Variants in GNG12 observed in about 807,000 individuals in gnomAD.
The protein encoded by GNG12 is guanine nucleotide-binding protein G(I)/G(S)/G(O) subunit gamma-12.
For missense variants in GNG12, 69 were observed against 83.8 expected, an observed-to-expected ratio of 0.82 and a Z score of 0.69; for synonymous variants, 28 against 29.7, an observed-to-expected ratio of 0.94 and a Z score of 0.19.
intron 2 of GNG12, among the ~76,000 whole-genome samples, chr1:67,734,676 G>T (rs946974971): frequency 2.0e-5 from 3 of 152,034 alleles, no homozygotes; most frequent in African/African-American, 7.2e-5. Context: ...ACCCAGGCTG[G>T]AGTACAGTTG....
intron 1 of GNG12, among the ~76,000 whole-genome samples, chr1:67,815,736 G>C (rs1022060971): frequency 1.3e-5 from 2 of 152,086 alleles, no homozygotes; most frequent in African/African-American, 4.8e-5. Context: ...GGGCTCAGAG[G>C]GCCGGCATGA....
intron 2 of GNG12, among the ~76,000 whole-genome samples, chr1:67,737,415 C>T (rs1646458232): frequency 6.6e-6 from 1 of 152,114 alleles, no homozygotes; most frequent in Non-Finnish European, 1.5e-5. Flanking sequence ...GAAAGATAAA[C>T]AGTCACATGG....
intron 1 of GNG12, among the ~76,000 whole-genome samples, chr1:67,809,993 T>C (rs1434346956): frequency 6.6e-6 from 1 of 152,216 alleles, no homozygotes. Context: ...TTGTACATAA[T>C]TGCCAAAACT....
chr1:67,708,896 A>G (rs1178775514), intron 2 of GNG12, among the ~76,000 whole-genome samples: 1 of 152,186 alleles, frequency 6.6e-6, no homozygotes, highest in East Asian at 1.9e-4. Context: ...ACAGCTGAAT[A>G]ATGTAATTCT....
At chr1:67,816,825 G>T (rs1646956136) in intron 1 of GNG12, among the ~76,000 whole-genome samples, 1 of 152,174 alleles carries the variant, frequency 6.6e-6, no homozygotes, top group African/African-American at 2.4e-5. Flanking sequence ...GAGAACAAGA[G>T]GTGTGGGGCT....
chr1:67,714,140 GT>G (rs1646311523), intron 2 of GNG12, among the ~76,000 whole-genome samples: 1 of 152,146 alleles, frequency 6.6e-6, no homozygotes. Flanking sequence ...GAATGTCAAC[GT>G]TTGAAAAATG....
intron 1 of GNG12, among the ~76,000 whole-genome samples, chr1:67,782,975 G>A (rs958043213): frequency 2.6e-4 from 40 of 151,978 alleles, no homozygotes; most frequent in Admixed American, 1.3e-3. Flanking sequence ...TTTGAATGTC[G>A]GATCCTCAAC....
chr1:67,706,663 T>C (rs1008052493), intron 3 of GNG12, among the ~76,000 whole-genome samples: 3 of 151,312 alleles, frequency 2.0e-5, no homozygotes, highest in African/African-American at 7.3e-5. Flanking sequence ...TTTCTTTTTT[T>C]TTTTTTTTTG....
intron 2 of GNG12, among the ~76,000 whole-genome samples, chr1:67,739,833 T>C (rs1370425877): frequency 6.6e-6 from 1 of 152,200 alleles, no homozygotes; most frequent in Non-Finnish European, 1.5e-5. Context: ...AAAGCCACTG[T>C]GAAACTAGAA....
intron 1 of GNG12, among the ~76,000 whole-genome samples, chr1:67,799,354 G>A (rs1646851345): frequency 1.3e-5 from 2 of 152,124 alleles, no homozygotes; most frequent in South Asian, 4.2e-4. Context: ...TCTCTCCAGG[G>A]AACTGCTCTT....
intron 2 of GNG12, among the ~76,000 whole-genome samples, chr1:67,766,139 CACACACA>C (rs1646637300): frequency 6.8e-6 from 1 of 147,772 alleles, no homozygotes; most frequent in African/African-American, 2.6e-5. Flanking sequence ...CACACACACA[CACACACA>C]CACCCCTAAA....
chr1:67,730,145 A>G (rs2100698361), intron 2 of GNG12, among the ~76,000 whole-genome samples: 1 of 152,326 alleles, frequency 6.6e-6, no homozygotes, highest in African/African-American at 2.4e-5. Context: ...ACCTTTAAAA[A>G]CACATAATAT....
At position 67,718,221 on chromosome 1, in the gene GNG12, G is replaced by A. The variant is rs193226096; in HGVS notation, c.-26-10509C>T. On this transcript the variant is annotated intron_variant, in intron 2 of 3. Coordinates refer to ENST00000370982, the MANE Select transcript of GNG12 (RefSeq NM_018841.6). ...AGGTAAAACCCAATGAAACACCACC[G>A]TCTACCCTCAACCTGACCACCACTG... is the stretch of plus-strand genomic sequence containing the variant. Among the ~76,000 whole-genome samples the A allele has an allele frequency of 3.0e-4, 45 of 152,124 alleles. No individual in the cohort carries two copies. In the South Asian group the frequency reaches 5.8e-3, roughly 20 times the overall value.
At chr1:67,797,037 T>C (rs1646835233) in intron 1 of GNG12, among the ~76,000 whole-genome samples, 1 of 152,158 alleles carries the variant, frequency 6.6e-6, no homozygotes, top group African/African-American at 2.4e-5. Flanking sequence ...GGCACCAAGT[T>C]ATTTATGAGG....
At chr1:67,833,300 G>C in intron 1 of GNG12, 44 bp downstream of exon 1, 1 of 795,006 alleles carries the variant, frequency 1.3e-6, no homozygotes, top group Non-Finnish European at 1.5e-6. Flanking sequence ...CCCCGACCCC[G>C]CGGGGACCCG....
chr1:67,739,001 A>G (rs969539715), intron 2 of GNG12, among the ~76,000 whole-genome samples: 17 of 152,150 alleles, frequency 1.1e-4, no homozygotes, highest in African/African-American at 3.4e-4. Flanking sequence ...CAATATGGTA[A>G]AACTCCATCA....
chr1:67,804,319 C>G (rs2100800876), intron 1 of GNG12, among the ~76,000 whole-genome samples: 1 of 152,252 alleles, frequency 6.6e-6, no homozygotes, highest in East Asian at 1.9e-4. Flanking sequence ...AAATAATTCC[C>G]CATCTTTTCT....
intron 1 of GNG12, among the ~76,000 whole-genome samples, chr1:67,819,266 T>C (rs574315096): frequency 6.6e-6 from 1 of 152,078 alleles, no homozygotes; most frequent in Non-Finnish European, 1.5e-5. Context: ...GATGGAAATG[T>C]CTTACAGAAA....
At chr1:67,821,857 G>A (rs1646986781) in intron 1 of GNG12, among the ~76,000 whole-genome samples, 2 of 151,558 alleles carry the variant, frequency 1.3e-5, no homozygotes, top group South Asian at 4.2e-4. Flanking sequence ...AATGACATCT[G>A]AAATCTGTTG....
Sources: gnomAD v4.1 joint callset for allele counts (sites outside exome capture counted in the v4.1 genomes callset) on GRCh38, gnomAD v4.1.1 for gene constraint, MANE v1.5 for transcripts, NCBI Gene and HGNC (gene_info 2026-07-23, HGNC 2026-07-21) for gene names.